ITGA6: variants seen among roughly 807,000 people sequenced by gnomAD.
The protein encoded by ITGA6 is integrin alpha-6.
In ITGA6, 63 loss-of-function variants were observed where a neutral mutation model predicts 133.6. That is an observed-to-expected ratio of 0.47 (90% confidence interval 0.38 to 0.58). The LOEUF (loss-of-function observed/expected upper bound fraction) is 0.58, where lower values mean the gene tolerates loss of function less well. Ranked by LOEUF, ITGA6 falls within the 20% of genes least tolerant of loss-of-function variation. The pLI is 0.00. For synonymous variants in ITGA6, 434 were observed against 482.0 expected (o/e 0.90, Z 1.30); for missense variants, 1,068 against 1,309.4 (o/e 0.82, Z 2.85).
At chr2:172,447,709 A>G (rs1016565429) in intron 1 of ITGA6, among the ~76,000 whole-genome samples, 3 of 152,200 alleles carry the variant, frequency 2.0e-5, no homozygotes, top group Admixed American at 6.5e-5. Flanking sequence ...CCAAGGTCAC[A>G]CCAAAAATAG....
chr2:172,488,980 C>T (rs150438213), intron 19 of ITGA6, among the ~76,000 whole-genome samples: 2 of 152,258 alleles, frequency 1.3e-5, no homozygotes, highest in African/African-American at 4.8e-5. Flanking sequence ...TGCCGCAGGA[C>T]GTCACTCTGT....
At chr2:172,427,410 G>A (rs1683881976), upstream of ITGA6, 3 of 1,024,050 alleles carry the variant, frequency 2.9e-6, no homozygotes, top group Non-Finnish European at 3.5e-6. Flanking sequence ...CTCGCCTCCG[G>A]GGCTCCCACG....
intron 1 of ITGA6, among the ~76,000 whole-genome samples, chr2:172,431,135 C>G (rs1219350293): frequency 6.6e-6 from 1 of 152,184 alleles, no homozygotes; most frequent in Non-Finnish European, 1.5e-5. Context: ...TCTGTTCTGA[C>G]CCTTACTAGG....
chr2:172,472,912 A>T (rs1207796358), intron 5 of ITGA6: 1 of 1,416,006 alleles, frequency 7.1e-7, no homozygotes, highest in Admixed American at 1.7e-5. Flanking sequence ...CTGCGACGAC[A>T]AATAAATTGT....
chr2:172,445,379 G>A (rs1574328955), intron 1 of ITGA6, among the ~76,000 whole-genome samples: 1 of 147,558 alleles, frequency 6.8e-6, no homozygotes, highest in Admixed American at 6.7e-5. Context: ...GCCGGGCGCG[G>A]TGGCTCACGC....
chr2:172,506,192 T>C lies in ITGA6; in HGVS notation c.*2124T>C, dbSNP rs529538465. On this transcript the variant is annotated 3_prime_UTR_variant, in exon 26 of 26. Transcript: ENST00000684293. ...GTGTGAAATAAATTTTTTATAAAAG[T>C]GTTCATTGTTTCGTAACACAGCATT... 2.6e-5 allele frequency: 4 copies of C among 152,654 alleles called. No individual in the cohort carries two copies. The highest frequency in any genetic ancestry group is 5.9e-5 in the Non-Finnish European group (4 of 68,030). 9.5% of individuals were successfully genotyped at this position (152,654 alleles called of 1,614,324 possible).
Position 172,474,165 on chromosome 2 carries a change from A to T in ITGA6, c.886A>T (p.Met296Leu). ...SGAVVLLKRD[M>L]KSAHLLPEHI... is the part of the protein sequence containing the mutation. ...AGCCGTGGTTTTGCTGAAGAGAGAC[A>T]TGAAGTCTGCACATCTCCTCCCTGA... Residue 296 changes from methionine (M) to leucine (L), a missense_variant, in exon 6 of 26, where the codon ATG becomes TTG. Transcript: ENST00000684293. The T allele has an allele frequency of 6.2e-7, 1 of 1,614,110 alleles. No individual in the cohort carries two copies. Among genetic ancestry groups the T allele is most frequent in the Non-Finnish European group, 8.5e-7 (1 of 1,180,006 alleles).
chr2:172,493,314 T>A (rs1687000517), intron 23 of ITGA6, among the ~76,000 whole-genome samples: 1 of 152,038 alleles, frequency 6.6e-6, no homozygotes, highest in Non-Finnish European at 1.5e-5. Context: ...ACAGGCATCA[T>A]AAGGGACTTT....
At position 172,479,932 on chromosome 2, in the gene ITGA6, G is replaced by GC. The variant is rs1429908056; in HGVS notation, c.1488-58_1488-57insC. The GC allele has an allele frequency of 1.1e-5, 13 of 1,222,774 alleles. No homozygotes were observed. In the African/African-American group the frequency reaches 1.8e-4, roughly 17 times the overall value. The allele number at this position is 1,222,774 out of a possible 1,614,324, so 75.7% of individuals were successfully genotyped here. The stretch of plus-strand genomic sequence containing the variant: ...GGATTGGAGAGCTAGGGAACATGTT[G>GC]GGTTTTTTCCACTGCAATAATGGAT... On this transcript the variant is annotated intron_variant, in intron 10 of 25. Transcript: ENST00000684293.
chr2:172,495,368 T>C (rs577560317), intron 23 of ITGA6: 5 of 152,246 alleles, frequency 3.3e-5, no homozygotes, highest in African/African-American at 1.2e-4. Flanking sequence ...CAGTAGTTTC[T>C]ACTCACCTGT....
At chr2:172,487,243 T>C in intron 14 of ITGA6, 21 bp from the exon 15 acceptor site, 2 of 1,603,350 alleles carry the variant, frequency 1.2e-6, no homozygotes, top group Non-Finnish European at 1.7e-6. Flanking sequence ...CTTTTTGTTC[T>C]TGTTTTCTTA....
Position 172,504,545 on chromosome 2 carries a change from C to A in ITGA6, c.*477C>A. 3.8e-6 allele frequency: 1 copy of A among 266,592 alleles called. No individual in the cohort carries two copies. The highest frequency in any genetic ancestry group is 7.3e-6 in the Non-Finnish European group (1 of 137,152). The allele number at this position is 266,592 out of a possible 1,614,324, so 16.5% of individuals were successfully genotyped here. The stretch of plus-strand genomic sequence containing the variant: ...CTTACATCATGTGTTGGGGAAGGGC[C>A]TGCCCAGTTGCACTCAGGTGACATC... On this transcript the variant is annotated 3_prime_UTR_variant, in exon 26 of 26. Transcript: ENST00000684293.
At chr2:172,493,453 T>C (rs1264303837) in intron 23 of ITGA6, among the ~76,000 whole-genome samples, 3 of 152,102 alleles carry the variant, frequency 2.0e-5, no homozygotes. Context: ...GAGAACACTT[T>C]AGAGGGAAGG....
In ITGA6 at chr2:172,427,767, TC is replaced by T. The variant is rs745774807; in HGVS notation, c.-18del. 41 of 1,567,670 alleles carry T rather than the reference TC, an allele frequency of 2.6e-5. No individual in the cohort carries two copies. Among genetic ancestry groups the T allele is most frequent in the Non-Finnish European group, 3.3e-5 (38 of 1,158,824 alleles). Reference sequence around the variant, plus strand: ...CAGGGCGGCCGCTGCAGGTCCCCGCTCCCCTCCCCGTGCGTCCGCCCATGGC... The same window carrying T: ...CAGGGCGGCCGCTGCAGGTCCCCGCTCCCTCCCCGTGCGTCCGCCCATGGC... On this transcript the variant is annotated 5_prime_UTR_variant, in exon 1 of 26. Coordinates refer to ENST00000684293, the MANE Select transcript of ITGA6 (RefSeq NM_000210.4).
At chr2:172,477,306 G>C (rs1011149627) in intron 9 of ITGA6, among the ~76,000 whole-genome samples, 1 of 152,064 alleles carries the variant, frequency 6.6e-6, no homozygotes, top group Non-Finnish European at 1.5e-5. Context: ...CCTTTAACCA[G>C]CGCTTTCATC....
intron 1 of ITGA6, among the ~76,000 whole-genome samples, chr2:172,463,055 C>G (rs1008477733): frequency 6.6e-6 from 1 of 152,184 alleles, no homozygotes; most frequent in Non-Finnish European, 1.5e-5. Flanking sequence ...CTCTCATTGC[C>G]TCTAGCTCCC....
At chr2:172,445,328 TTTTTC>T (rs201904894) in intron 1 of ITGA6, among the ~76,000 whole-genome samples, 2,081 of 148,756 alleles carry the variant, frequency 0.014, 25 homozygotes, top group South Asian at 0.059. Context: ...ATCTGTTGTC[TTTTTC>T]TTTTCTTTTT....
intron 24 of ITGA6, 151 bp downstream of exon 24, chr2:172,498,251 T>G: frequency 1.4e-6 from 1 of 717,552 alleles, no homozygotes; most frequent in Non-Finnish European, 2.4e-6. Flanking sequence ...TGAGGAAAAT[T>G]TTACCATGAA....
Position 172,487,614 on chromosome 2 carries a change from T to C in ITGA6, c.2228T>C (p.Phe743Ser). ...GCTGACTGTGAGCTCGGAAATCCTT[T>C]TAAAAGAAATTCAAATGTAGGTGAT... ...SQADCELGNP[F>S]KRNSNVTFYL... is the part of the protein sequence containing the mutation. Residue 743 changes from phenylalanine to serine, a missense_variant, in exon 16 of 26, where the codon TTT becomes TCT. By Grantham distance (155) the Phe-to-Ser change is radical. Around this residue, in one of 3 missense-constraint regions of ITGA6, gnomAD observed 609 missense variants for 707.2 expected, o/e 0.86. Transcript: ENST00000684293. The C allele has an allele frequency of 3.7e-6, 6 of 1,614,160 alleles. No homozygotes were observed. Among genetic ancestry groups the C allele is most frequent in the Non-Finnish European group, 5.1e-6 (6 of 1,179,984 alleles).
Sources: gnomAD v4.1 joint callset for allele counts (sites outside exome capture counted in the v4.1 genomes callset) on GRCh38, gnomAD v4.1.1 for gene constraint, gnomAD v4.1.1 regional missense constraint, MANE v1.5 for transcripts, NCBI Gene and HGNC (gene_info 2026-07-23, HGNC 2026-07-21) for gene names.